AGPAT4: variants seen among roughly 807,000 people sequenced by gnomAD.
The protein encoded by AGPAT4 is 1-acyl-sn-glycerol-3-phosphate acyltransferase delta.
AGPAT4 carries 15 observed loss-of-function variants against 48.0 expected under a neutral mutation model. The ratio of observed to expected loss-of-function variants is 0.31; its 90% CI spans 0.21 to 0.48. AGPAT4 has a LOEUF of 0.48. Among genes scored for constraint, AGPAT4 ranks in the 20% least tolerant of loss-of-function variants. AGPAT4 has a pLI of 0.99. For synonymous variants in AGPAT4, 178 were observed against 198.7 expected (o/e 0.90, Z 0.88); for missense variants, 314 against 482.5 (o/e 0.65, Z 3.27).
intron 1 of AGPAT4, among the ~76,000 whole-genome samples, chr6:161,237,392 CAAGGTTTCTTACTGAATACCAG>C (rs1782316325): frequency 6.6e-6 from 1 of 152,178 alleles, no homozygotes; most frequent in Non-Finnish European, 1.5e-5. Context: ...TTAACATTAG[CAAGGTTTCTTACTGAATACCAG>C]AAGAAGTCTC....
rs1779337499 is a variant in AGPAT4, at chr6:161,144,115, T to C, written c.843+2409A>G. On this transcript the variant is annotated intron_variant, in intron 7 of 8. Coordinates refer to ENST00000320285, the MANE Select transcript of AGPAT4 (RefSeq NM_020133.3). The surrounding 1 kb of genome is among the most constrained non-coding windows in gnomAD (Gnocchi z 6.6). ...CAAAATAGGCTGATACAGAAAGGAA[T>C]TGTCCCTTGATGTCTATTCACCACT... is the stretch of plus-strand genomic sequence containing the variant. The C allele has an allele frequency of 1.9e-6, 1 of 532,948 alleles. No homozygotes were observed. Among genetic ancestry groups the C allele is most frequent in the Non-Finnish European group, 3.8e-6 (1 of 259,784 alleles). 33.0% of individuals were successfully genotyped at this position (532,948 alleles called of 1,614,324 possible).
rs191761007 is a variant in AGPAT4, at chr6:161,235,800, G to A, written c.-89-3498C>T. On this transcript the variant is annotated intron_variant, in intron 1 of 8. Coordinates refer to ENST00000320285, the MANE Select transcript of AGPAT4 (RefSeq NM_020133.3). This position sits in a 1 kb window ranked among gnomAD's most constrained non-coding sequence, Gnocchi z 6.2. The stretch of plus-strand genomic sequence containing the variant: ...TCACTCATTATACGGTACCAAGGGG[G>A]TACAGTGCTAAACCATTCATGAGAA... Among the ~76,000 whole-genome samples the A allele has an allele frequency of 6.3e-4, 96 of 152,242 alleles. No individual in the cohort carries two copies. The highest frequency in any genetic ancestry group is 1.2e-3 in the Non-Finnish European group (81 of 68,016).
rs560434785 is a variant in AGPAT4, at chr6:161,259,598, G to A, written c.-90+14340C>T. ...AGCATTTGCCAGGCCTGGTCAAAAT[G>A]AGAATGTGGGGTTCCTTCTTCAAAA... On this transcript the variant is annotated intron_variant, in intron 1 of 8. Coordinates refer to ENST00000320285, the MANE Select transcript of AGPAT4 (RefSeq NM_020133.3). This position sits in a 1 kb window ranked among gnomAD's most constrained non-coding sequence, Gnocchi z 4.9. Among the ~76,000 whole-genome samples the A allele has an allele frequency of 6.6e-5, 10 of 152,176 alleles. No homozygotes were observed. Among genetic ancestry groups the A allele is most frequent in the African/African-American group, 2.4e-4 (10 of 41,560 alleles).
At position 161,214,944 on chromosome 6, in the gene AGPAT4, C is replaced by A. The variant is rs1423564543; in HGVS notation, c.178+17092G>T. On this transcript the variant is annotated intron_variant, in intron 2 of 8. Transcript: ENST00000320285. The surrounding 1 kb of genome is among the most constrained non-coding windows in gnomAD (Gnocchi z 5.4). ...TTGACCTCCAAACCTGTTCTGCTGG[C>A]CTGCCTTAGATAAGACTGAGACAAA... is the stretch of plus-strand genomic sequence containing the variant. Among the ~76,000 whole-genome samples the A allele has an allele frequency of 6.6e-6, 1 of 152,130 alleles. No individual in the cohort carries two copies. Among genetic ancestry groups the A allele is most frequent in the Non-Finnish European group, 1.5e-5 (1 of 68,028 alleles).
intron 2 of AGPAT4, among the ~76,000 whole-genome samples, chr6:161,176,395 CTTCT>C (rs538815236): frequency 0.023 from 3,514 of 152,214 alleles, 131 homozygotes; most frequent in African/African-American, 0.08. Flanking sequence ...ATGTAATGGC[CTTCT>C]TTGTCTCTTT....
chr6:161,172,096 T>C lies in AGPAT4; in HGVS notation c.179-5679A>G, dbSNP rs530278865. On this transcript the variant is annotated intron_variant, in intron 2 of 8. Transcript: ENST00000320285. ...AGCCATTTGGTAGTTAATTGAAAAA[T>C]AGTATATCTGGGAATGAAAACAATG... Among the ~76,000 whole-genome samples the C allele has an allele frequency of 1.3e-4, 20 of 152,034 alleles. No homozygotes were observed. The South Asian group carries it at 2.3e-3, about 17-fold the overall frequency.
At chr6:161,199,130 G>T (rs912213666) in intron 2 of AGPAT4, among the ~76,000 whole-genome samples, 1 of 151,900 alleles carries the variant, frequency 6.6e-6, no homozygotes, top group Non-Finnish European at 1.5e-5. Flanking sequence ...ACGTTAATTG[G>T]CCTCAGTCTT....
rs1006319607 is a variant in AGPAT4, at chr6:161,218,041, G to A, written c.178+13995C>T. On this transcript the variant is annotated intron_variant, in intron 2 of 8. Transcript: ENST00000320285. The surrounding 1 kb of genome is among the most constrained non-coding windows in gnomAD (Gnocchi z 4.7). Reference sequence around the variant, plus strand: ...CAATTGAACACGTATGCATTCACCGGGAATGCCCTGTGATGGCTGGTGTCT... The same window carrying A: ...CAATTGAACACGTATGCATTCACCGAGAATGCCCTGTGATGGCTGGTGTCT... Among the ~76,000 whole-genome samples the A allele has an allele frequency of 2.0e-5, 3 of 152,350 alleles. No individual in the cohort carries two copies. Among genetic ancestry groups the A allele is most frequent in the South Asian group, 2.1e-4 (1 of 4,828 alleles).
rs982689926 is a variant in AGPAT4, at chr6:161,267,298, T to C, written c.-90+6640A>G. Among the ~76,000 whole-genome samples the C allele has an allele frequency of 6.6e-6, 1 of 152,242 alleles. No homozygotes were observed. The highest frequency in any genetic ancestry group is 1.5e-5 in the Non-Finnish European group (1 of 68,042). Reference sequence around the variant, plus strand: ...AGTAGCTTGTCTTATAAAGTACTGCTGTTAGTTTTTCTCCAAATTCTAAAA... The same window carrying C: ...AGTAGCTTGTCTTATAAAGTACTGCCGTTAGTTTTTCTCCAAATTCTAAAA... On this transcript the variant is annotated intron_variant, in intron 1 of 8. Transcript: ENST00000320285. This position sits in a 1 kb window ranked among gnomAD's most constrained non-coding sequence, Gnocchi z 5.2.
In AGPAT4 at chr6:161,139,463, G is replaced by C. The variant is rs750504276; in HGVS notation, c.1001C>G (p.Ser334Cys). 6.2e-7 allele frequency: 1 copy of C among 1,614,098 alleles called. No individual in the cohort carries two copies. The highest frequency in any genetic ancestry group is 1.7e-5 in the Admixed American group (1 of 60,028). Residue 334 changes from serine to cysteine, a missense_variant, in exon 8 of 9, where the codon TCT becomes TGT. Physicochemically the swap from Ser to Cys is moderately radical, Grantham distance 112. Transcript: ENST00000320285. This position sits in a 1 kb window ranked among gnomAD's most constrained non-coding sequence, Gnocchi z 9.1. ...GATGAAGCTGGCCAGCGTCAGGGAA[G>C]ACCCGCTCCTGATCATGCTGACCAG... ...QFLVSMIRSG[S>C]SLTLASFILV...
intron 2 of AGPAT4, among the ~76,000 whole-genome samples, chr6:161,192,035 CTT>C (rs200155345): frequency 2.6e-4 from 33 of 126,754 alleles, no homozygotes; most frequent in Non-Finnish European, 3.3e-4. Context: ...TTGTGCATTC[CTT>C]TTTTTTTTTT....
chr6:161,136,623 C>T lies in AGPAT4; in HGVS notation c.1054G>A (p.Val352Ile), dbSNP rs760161012. The change falls in exon 9 of 9, where the codon GTT becomes ATT. Residue 352 changes from valine to isoleucine, a missense_variant. Coordinates refer to ENST00000320285, the MANE Select transcript of AGPAT4 (RefSeq NM_020133.3). ...TCCGTCACACCAATCATCCATCGAA[C>T]TCCCACGGAGGCTGCAGAGACAAGG... ...ILVFFVASVG[V>I]RWMIGVTEID... 6.2e-7 allele frequency: 1 copy of T among 1,614,172 alleles called. No homozygotes were observed. The highest frequency in any genetic ancestry group is 1.1e-5 in the South Asian group (1 of 91,086).
rs1216902314 is a variant in AGPAT4 at position 161,171,384 on chromosome 6, C to G, written c.179-4967G>C. 6.6e-6 allele frequency among the ~76,000 whole-genome samples: 1 copy of G among 152,184 alleles called. No individual in the cohort carries two copies. The highest frequency in any genetic ancestry group is 6.5e-5 in the Admixed American group (1 of 15,280). On this transcript the variant is annotated intron_variant, in intron 2 of 8. Transcript: ENST00000320285. The surrounding 1 kb of genome is among the most constrained non-coding windows in gnomAD (Gnocchi z 4.4). Reference sequence around the variant, plus strand: ...TCAAGAGGGCTGCATCTGGCAAGGTCCTTCTTGCTGTGTCATCCCATAGGG... The same window carrying G: ...TCAAGAGGGCTGCATCTGGCAAGGTGCTTCTTGCTGTGTCATCCCATAGGG...
chr6:161,212,719 T>C lies in AGPAT4; in HGVS notation c.178+19317A>G, dbSNP rs9458153. Among the ~76,000 whole-genome samples the C allele has an allele frequency of 0.18, 27,012 of 152,206 alleles. 2,925 individuals carry two copies. The highest frequency in any genetic ancestry group is 0.42 in the East Asian group (2,150 of 5,162). ...TCCTTGTCAATTGTGTCTTTCACTATGGCTACCCTAATACATTTTGTCATC... is the reference window on the plus strand; with the variant it reads ...TCCTTGTCAATTGTGTCTTTCACTACGGCTACCCTAATACATTTTGTCATC... On this transcript the variant is annotated intron_variant, in intron 2 of 8. Transcript: ENST00000320285. The surrounding 1 kb of genome is among the most constrained non-coding windows in gnomAD (Gnocchi z 6.1).
intron 2 of AGPAT4, among the ~76,000 whole-genome samples, chr6:161,199,218 G>T (rs769681911): frequency 6.6e-6 from 1 of 152,110 alleles, no homozygotes; most frequent in Admixed American, 6.5e-5. Flanking sequence ...ATAGGACTGC[G>T]AATGTCGTCA....
rs761460598 is a variant in AGPAT4, at chr6:161,204,517, T to C, written c.178+27519A>G. 2.0e-5 allele frequency among the ~76,000 whole-genome samples: 3 copies of C among 152,204 alleles called. No homozygotes were observed. Among genetic ancestry groups the C allele is most frequent in the Non-Finnish European group, 2.9e-5 (2 of 68,028 alleles). On this transcript the variant is annotated intron_variant, in intron 2 of 8. Coordinates refer to ENST00000320285, the MANE Select transcript of AGPAT4 (RefSeq NM_020133.3). This position sits in a 1 kb window ranked among gnomAD's most constrained non-coding sequence, Gnocchi z 4.4. Reference sequence around the variant, plus strand: ...CTCCAAAATTCTCCCTTTCCAGCTATATTTATCCTTCAGCTGAAGACAATT... The same window carrying C: ...CTCCAAAATTCTCCCTTTCCAGCTACATTTATCCTTCAGCTGAAGACAATT...
In AGPAT4 at chr6:161,225,088, G is replaced by T. The variant is rs368048315; in HGVS notation, c.178+6948C>A. 7.0e-6 allele frequency among the ~76,000 whole-genome samples: 1 copy of T among 142,294 alleles called. No homozygotes were observed. The allele number at this position is 142,294 out of a possible 152,430, so 93.4% of individuals were successfully genotyped here. A position where few individuals can be genotyped will look rare whatever the true frequency, so the allele number is the denominator to read the frequency against. On this transcript the variant is annotated intron_variant, in intron 2 of 8. Coordinates refer to ENST00000320285, the MANE Select transcript of AGPAT4 (RefSeq NM_020133.3). The surrounding 1 kb of genome is among the most constrained non-coding windows in gnomAD (Gnocchi z 5.0). ...TTACCTGCTTCACCCTGACTCATTC[G>T]GATTATTACCTGCTCTACCCAGACT...
At chr6:161,271,127 C>T (rs1452411266) in intron 1 of AGPAT4, among the ~76,000 whole-genome samples, 1 of 152,204 alleles carries the variant, frequency 6.6e-6, no homozygotes, top group Non-Finnish European at 1.5e-5. Flanking sequence ...CAATTTACAT[C>T]TACTTATGCT....
At chr6:161,187,257 C>A (rs561657010) in intron 2 of AGPAT4, among the ~76,000 whole-genome samples, 1 of 152,340 alleles carries the variant, frequency 6.6e-6, no homozygotes, top group South Asian at 2.1e-4. Context: ...TATTCACAGG[C>A]ACGTTTTGTC....
Sources: gnomAD v4.1 joint callset for allele counts (sites outside exome capture counted in the v4.1 genomes callset) on GRCh38, gnomAD v4.1.1 for gene constraint, Gnocchi (gnomAD v3.1) non-coding constraint, MANE v1.5 for transcripts, NCBI Gene and HGNC (gene_info 2026-07-23, HGNC 2026-07-21) for gene names.